The following GGA2 variants were observed in gnomAD, a reference collection of about 807,000 sequenced individuals.
The protein encoded by GGA2 is ADP-ribosylation factor-binding protein GGA2.
A neutral mutation model predicts 79.5 loss-of-function variants in GGA2; 48 were observed. The ratio of observed to expected loss-of-function variants is 0.60; its 90% CI spans 0.48 to 0.77. The LOEUF is 0.77. Ranked by LOEUF, GGA2 falls within the 30% of genes least tolerant of loss-of-function variation. GGA2 has a pLI of 0.00. For synonymous variants in GGA2, 317 were observed against 302.0 expected (o/e 1.05, Z -0.51); for missense variants, 770 against 774.0 (o/e 0.99, Z 0.06).
chr16:23,467,130 C>G lies in GGA2; in HGVS notation c.*460G>C, dbSNP rs1359834551. The G allele has an allele frequency of 1.3e-5, 2 of 159,694 alleles. No homozygotes were observed. The highest frequency in any genetic ancestry group is 2.8e-5 in the Non-Finnish European group (2 of 72,414). The allele number at this position is 159,694 out of a possible 1,614,324, so 9.9% of individuals were successfully genotyped here. The stretch of plus-strand genomic sequence containing the variant: ...CTCTCTGCCCCAAGACTAACCAGGT[C>G]CCTTTTAAGGTCCCTGAGAACAGCA... On this transcript the variant is annotated 3_prime_UTR_variant, in exon 17 of 17. Coordinates refer to ENST00000309859, the MANE Select transcript of GGA2 (RefSeq NM_015044.4).
chr16:23,475,831 G>C (rs1005190894), intron 13 of GGA2, among the ~76,000 whole-genome samples: 4 of 152,076 alleles, frequency 2.6e-5, no homozygotes, highest in Non-Finnish European at 5.9e-5. Flanking sequence ...TCAGGAGGCT[G>C]AGGCAGGAGA....
chr16:23,478,396 G>C lies in GGA2; in HGVS notation c.1264C>G (p.Leu422Val), dbSNP rs770295812. The change falls in exon 13 of 17, where the codon CTC becomes GTC. Residue 422 changes from leucine (L) to valine (V), a missense_variant. Transcript: ENST00000309859. ...GGGCACGGAGCTGGCTGTGCTGAGAGGAGGTCCAGCAAATTCCTGTCTGCA... is the reference window on the plus strand; with the variant it reads ...GGGCACGGAGCTGGCTGTGCTGAGACGAGGTCCAGCAAATTCCTGTCTGCA... ...PSADRNLLDL[L>V]SAQPAPCPLN... is the part of the protein sequence containing the mutation. The C allele has an allele frequency of 5.8e-5, 94 of 1,609,226 alleles. 1 individual carries two copies. In the East Asian group the frequency reaches 2.0e-3, roughly 35 times the overall value.
intron 14 of GGA2, 149 bp downstream of exon 14, chr16:23,474,755 A>G (rs1964555494): frequency 1.5e-6 from 1 of 647,942 alleles, no homozygotes; most frequent in Non-Finnish European, 2.8e-6. Context: ...CCTGGCCACA[A>G]CCTCTTACTT....
intron 7 of GGA2, 53 bp from the exon 8 acceptor site, chr16:23,486,205 G>A: frequency 6.5e-7 from 1 of 1,546,508 alleles, no homozygotes; most frequent in Non-Finnish European, 8.9e-7. Flanking sequence ...CCTGGCTGAA[G>A]CCTGAACAAG....
Position 23,464,132 on chromosome 16 carries a change from A to T in GGA2, c.*3458T>A, listed in dbSNP as rs1404336630. ...TTTAACATTTTCTGTCTCAATTTAC[A>T]CTATTTGTACTAGGTAATATTCACT... On this transcript the variant is annotated 3_prime_UTR_variant, in exon 17 of 17. Transcript: ENST00000309859. 1.3e-5 allele frequency: 2 copies of T among 152,110 alleles called. No individual in the cohort carries two copies. The highest frequency in any genetic ancestry group is 2.9e-5 in the Non-Finnish European group (2 of 68,010). The allele number at this position is 152,110 out of a possible 1,614,324, so 9.4% of individuals were successfully genotyped here.
chr16:23,492,978 A>T (rs150786138), intron 4 of GGA2, among the ~76,000 whole-genome samples: 1 of 152,304 alleles, frequency 6.6e-6, no homozygotes, highest in Non-Finnish European at 1.5e-5. Flanking sequence ...GTTACCTGAG[A>T]CTGGCTGAGC....
intron 5 of GGA2, 101 bp downstream of exon 5, chr16:23,491,574 CAT>C (rs1964788144): frequency 1.2e-6 from 1 of 845,782 alleles, no homozygotes; most frequent in African/African-American, 1.8e-5. Context: ...TATGGTCCTA[CAT>C]AAGAAGTACA....
chr16:23,491,523 T>C (rs1964786749), intron 5 of GGA2, among the ~76,000 whole-genome samples, 154 bp downstream of exon 5: 1 of 103,820 alleles, frequency 9.6e-6, no homozygotes, highest in Non-Finnish European at 2.1e-5. Context: ...ATAAAAGATT[T>C]ATTGCGTAAA....
At chr16:23,519,114 T>TCACTGCA (rs1965120758) in intron 2 of GGA2, among the ~76,000 whole-genome samples, 1 of 147,220 alleles carries the variant, frequency 6.8e-6, no homozygotes, top group Admixed American at 7.0e-5. Flanking sequence ...CTATCCTGGC[T>TCACTGCA]CACTGCAGCC....
rs952684343 is a variant in GGA2 at position 23,484,789 on chromosome 16, G to A, written c.798+1226C>T. Among the ~76,000 whole-genome samples the A allele has an allele frequency of 3.9e-5, 6 of 152,180 alleles. No individual in the cohort carries two copies. The East Asian group carries it at 1.2e-3, about 29-fold the overall frequency. Reference sequence around the variant, plus strand: ...GAATGTAAAATGGCATGGCCACTTTGGAAAACAGCTTGGCAGTTCCTCAAA... The same window carrying A: ...GAATGTAAAATGGCATGGCCACTTTAGAAAACAGCTTGGCAGTTCCTCAAA... On this transcript the variant is annotated intron_variant, in intron 8 of 16. Coordinates refer to ENST00000309859, the MANE Select transcript of GGA2 (RefSeq NM_015044.4).
intron 6 of GGA2, among the ~76,000 whole-genome samples, chr16:23,487,188 G>A (rs1044152163): frequency 9.2e-5 from 14 of 152,060 alleles, no homozygotes; most frequent in Admixed American, 2.6e-4. Context: ...CACCATGTTG[G>A]CCAGGATGGT....
At position 23,486,719 on chromosome 16, in the gene GGA2, C is replaced by A. The variant is rs1489331370; in HGVS notation, c.651G>T (p.Leu217Phe). The A allele has an allele frequency of 1.9e-6, 3 of 1,602,616 alleles. No individual in the cohort carries two copies. The highest frequency in any genetic ancestry group is 1.6e-4 in the Middle Eastern group (1 of 6,062). The change falls in exon 7 of 17, where the codon TTG (leucine) becomes TTT (phenylalanine). Residue 217 changes from leucine to phenylalanine, a missense_variant. Leu to Phe is a conservative substitution (Grantham distance 22). Coordinates refer to ENST00000309859, the MANE Select transcript of GGA2 (RefSeq NM_015044.4). ...CTGGAAGAATGCCCACCTCCTTGAC[C>A]AAATTCTTGATTAACCGGTTTGCAG... Reference protein sequence around the residue: ...LQAANRLIKNLVKEEQEKSEK... With the variant: ...LQAANRLIKNFVKEEQEKSEK...
Position 23,467,387 on chromosome 16 carries a change from AACACACACACACACACAC to A in GGA2, c.*185_*202del, listed in dbSNP as rs57255054. 199 of 327,570 alleles carry A rather than the reference AACACACACACACACACAC, an allele frequency of 6.1e-4. No homozygotes were observed. Among genetic ancestry groups the A allele is most frequent in the East Asian group, 4.1e-3 (76 of 18,452 alleles). 20.3% of individuals were successfully genotyped at this position (327,570 alleles called of 1,614,324 possible). ...GCCCTGTGCTACCACCCTCTCCCCGAACACACACACACACACACACACACACACACACACACACACACA... is the reference window on the plus strand; with the variant it reads ...GCCCTGTGCTACCACCCTCTCCCCGAACACACACACACACACACACACACA... On this transcript the variant is annotated 3_prime_UTR_variant, in exon 17 of 17. Transcript: ENST00000309859.
rs903526990 is a variant in GGA2 at position 23,470,983 on chromosome 16, C to G, written c.1451-818G>C. 2.0e-5 allele frequency among the ~76,000 whole-genome samples: 3 copies of G among 152,046 alleles called. No homozygotes were observed. The East Asian group carries it at 5.8e-4, about 30-fold the overall frequency. Reference sequence around the variant, plus strand: ...TAGCTGGGATTACAGGCATGCACCACCACGCCTGGCTAATTTTTGTGTTTT... The same window carrying G: ...TAGCTGGGATTACAGGCATGCACCAGCACGCCTGGCTAATTTTTGTGTTTT... On this transcript the variant is annotated intron_variant, in intron 14 of 16. Coordinates refer to ENST00000309859, the MANE Select transcript of GGA2 (RefSeq NM_015044.4).
chr16:23,481,579 C>A (rs943621339), intron 9 of GGA2, among the ~76,000 whole-genome samples: 1 of 152,048 alleles, frequency 6.6e-6, no homozygotes, highest in African/African-American at 2.4e-5. Flanking sequence ...TTGAGACCAG[C>A]CTGGCCAACA....
chr16:23,481,386 AAT>A (rs962633322), intron 9 of GGA2, among the ~76,000 whole-genome samples: 9 of 152,332 alleles, frequency 5.9e-5, no homozygotes, highest in African/African-American at 2.2e-4. Context: ...GAAAAAAAGA[AAT>A]ATCAGAAACA....
chr16:23,518,404 G>A (rs912574108), intron 2 of GGA2, among the ~76,000 whole-genome samples: 1 of 151,854 alleles, frequency 6.6e-6, no homozygotes, highest in African/African-American at 2.4e-5. Flanking sequence ...AAGATGGGGG[G>A]GTTTCACCAT....
At chr16:23,483,601 C>T (rs139622093) in intron 8 of GGA2, among the ~76,000 whole-genome samples, 1 of 152,130 alleles carries the variant, frequency 6.6e-6, no homozygotes, top group Admixed American at 6.5e-5. Flanking sequence ...GCATGGCTGC[C>T]TCGAACCTGG....
At chr16:23,490,034 T>C (rs1192971033) in intron 5 of GGA2, among the ~76,000 whole-genome samples, 3 of 152,218 alleles carry the variant, frequency 2.0e-5, no homozygotes, top group Admixed American at 1.3e-4. Flanking sequence ...GAACAGAGAC[T>C]GGCCCTGCCC....
Sources: allele counts gnomAD v4.1 joint callset (sites outside exome capture counted in the v4.1 genomes callset), GRCh38; gene constraint gnomAD v4.1.1; transcripts MANE v1.5; gene names NCBI Gene and HGNC (gene_info 2026-07-23, HGNC 2026-07-21).